Variants in CTPS2 observed in about 807,000 individuals in gnomAD.
CTPS2 encodes the protein CTP synthase 2, also known as CTP synthase II.
A neutral mutation model predicts 46.8 loss-of-function variants in CTPS2; 19 were observed. The ratio of observed to expected loss-of-function variants is 0.41; its 90% CI spans 0.28 to 0.60. The LOEUF (loss-of-function observed/expected upper bound fraction) is 0.60, where lower values mean the gene tolerates loss of function less well. Ranked by LOEUF, CTPS2 falls within the 20% of genes least tolerant of loss-of-function variation. CTPS2 has a pLI of 0.35. For synonymous variants in CTPS2, 151 were observed against 165.2 expected, an observed-to-expected ratio of 0.91 and a Z score of 0.66; for missense variants, 286 against 447.6, an observed-to-expected ratio of 0.64 and a Z score of 3.26.
chrX:16,631,322 T>C (rs1256117070), intron 14 of CTPS2, among the ~76,000 whole-genome samples: 1 of 105,491 alleles, frequency 9.5e-6, no homozygotes, highest in African/African-American at 3.5e-5. Context: ...CACTCCAGCC[T>C]GGGCGACAGA....
At chrX:16,660,799 G>A (rs1360423057) in intron 13 of CTPS2, among the ~76,000 whole-genome samples, 1 of 109,370 alleles carries the variant, frequency 9.1e-6, no homozygotes, top group African/African-American at 3.3e-5. Flanking sequence ...GTGAGCCACC[G>A]TGCCCAGGCA....
intron 2 of CTPS2, among the ~76,000 whole-genome samples, chrX:16,700,271 C>G (rs1924454348): frequency 9.2e-6 from 1 of 108,781 alleles, no homozygotes; most frequent in African/African-American, 3.3e-5. Context: ...TGTGCACCAC[C>G]ACACCCAGCT....
Position 16,693,178 on chromosome X carries a change from A to G in CTPS2, c.602T>C (p.Val201Ala), listed in dbSNP as rs141143406. The change falls in exon 6 of 19, where the codon GTC (valine) becomes GCC (alanine). Residue 201 changes from valine (V) to alanine (A), a missense_variant. Physicochemically the swap from Val to Ala is moderately conservative, Grantham distance 64. Transcript: ENST00000359276. ...CAGGCCTAAACCCCTCAGTGCGCGG[A>G]CGCTGTTTTGGGTGGGTTTGGTTTT... ...EQKTKPTQNS[V>A]RALRGLGLSP... 5 of 1,208,049 alleles carry G rather than the reference A, an allele frequency of 4.1e-6. No individual in the cohort carries two copies. The Admixed American group carries it at 6.6e-5, about 16-fold the overall frequency.
intron 9 of CTPS2, among the ~76,000 whole-genome samples, chrX:16,682,285 G>C (rs1324070145): frequency 8.9e-6 from 1 of 111,899 alleles, no homozygotes; most frequent in African/African-American, 3.2e-5. Flanking sequence ...AGGAGTTCGA[G>C]ACCAGCCTGG....
intron 14 of CTPS2, among the ~76,000 whole-genome samples, chrX:16,620,718 G>C (rs1930779462): frequency 8.9e-6 from 1 of 111,936 alleles, no homozygotes; most frequent in Non-Finnish European, 1.9e-5. Context: ...AAACAAAACT[G>C]GGGGCAGGGA....
intron 14 of CTPS2, among the ~76,000 whole-genome samples, chrX:16,622,158 A>C (rs1392953174): frequency 9.0e-6 from 1 of 110,962 alleles, no homozygotes. Context: ...TAATCCCAGC[A>C]CTTTGGGAAG....
chrX:16,610,322 A>G (rs1449463118), intron 16 of CTPS2, among the ~76,000 whole-genome samples: 1 of 111,224 alleles, frequency 9.0e-6, no homozygotes, highest in Non-Finnish European at 1.9e-5. Context: ...TAAGTTTAAG[A>G]GGGGGAAGTA....
At chrX:16,602,702 A>G (rs942922614) in intron 17 of CTPS2, among the ~76,000 whole-genome samples, 4 of 112,408 alleles carry the variant, frequency 3.6e-5, no homozygotes, top group Non-Finnish European at 5.6e-5. Context: ...CTGAAAACAT[A>G]TGAATATTCT....
intron 17 of CTPS2, among the ~76,000 whole-genome samples, chrX:16,594,196 G>A (rs989959228): frequency 1.8e-5 from 2 of 111,362 alleles, no homozygotes; most frequent in African/African-American, 6.5e-5. Flanking sequence ...GTCCCCTAAC[G>A]CAAGTGACAA....
chrX:16,639,833 A>AAAG (rs1931990190), intron 13 of CTPS2, among the ~76,000 whole-genome samples: 2 of 92,530 alleles, frequency 2.2e-5, no homozygotes, highest in Non-Finnish European at 4.6e-5. Context: ...AAGAAAGAAG[A>AAAG]AAAGAAAAGG....
At chrX:16,703,323 A>C (rs1159371371) in intron 1 of CTPS2, among the ~76,000 whole-genome samples, 2 of 105,872 alleles carry the variant, frequency 1.9e-5, no homozygotes, top group African/African-American at 6.9e-5. Context: ...CACCGCACCT[A>C]GCTCAGAATT....
chrX:16,629,568 C>T (rs1358624578), intron 14 of CTPS2, among the ~76,000 whole-genome samples: 2 of 110,594 alleles, frequency 1.8e-5, no homozygotes, highest in East Asian at 5.6e-4. Flanking sequence ...TTTTTTTCCC[C>T]TGCTCTAATG....
chrX:16,708,521 GAAAT>G (rs914127567), intron 1 of CTPS2, among the ~76,000 whole-genome samples: 1 of 110,256 alleles, frequency 9.1e-6, no homozygotes, highest in African/African-American at 3.3e-5. Flanking sequence ...GACTCCGTCT[GAAAT>G]AAATAAATAA....
rs1933024273 is a variant in CTPS2 at position 16,663,305 on chromosome X, C to T, written c.1296+4209G>A. Among the ~76,000 whole-genome samples the T allele has an allele frequency of 3.6e-5, 4 of 110,847 alleles. No individual in the cohort carries two copies. In the Admixed American group the frequency reaches 3.9e-4, roughly 11 times the overall value. On this transcript the variant is annotated intron_variant, in intron 13 of 18. Coordinates refer to ENST00000359276, the MANE Select transcript of CTPS2 (RefSeq NM_175859.3). ...GGACTATAGGTGCATGCCACCATGC[C>T]CAGGTAATTTTATTTATTTATTGTA... is the stretch of plus-strand genomic sequence containing the variant.
intron 16 of CTPS2, among the ~76,000 whole-genome samples, chrX:16,613,345 T>C (rs1173744193): frequency 9.0e-6 from 1 of 111,527 alleles, no homozygotes; most frequent in African/African-American, 3.3e-5. Context: ...TTAGGAGGTA[T>C]TGGAGAAGGG....
chrX:16,663,992 CG>C (rs1933067708), intron 13 of CTPS2, among the ~76,000 whole-genome samples: 1 of 110,427 alleles, frequency 9.1e-6, no homozygotes, highest in Non-Finnish European at 1.9e-5. Context: ...CGTGCCACCA[CG>C]CCCAGCTAAT....
At chrX:16,607,949 G>A (rs1036496371) in intron 17 of CTPS2, among the ~76,000 whole-genome samples, 2 of 113,077 alleles carry the variant, frequency 1.8e-5, no homozygotes, top group Non-Finnish European at 3.7e-5. Flanking sequence ...GGAGGCTCAC[G>A]CCTACAATCC....
chrX:16,709,848 CA>C (rs35017705), intron 1 of CTPS2, among the ~76,000 whole-genome samples: 191 of 23,697 alleles, frequency 8.1e-3, no homozygotes, highest in African/African-American at 0.03. Flanking sequence ...ACTCTGTCTC[CA>C]AAAAAAAAAA....
intron 13 of CTPS2, among the ~76,000 whole-genome samples, chrX:16,643,189 T>C (rs901091362): frequency 6.3e-5 from 7 of 111,074 alleles, no homozygotes; most frequent in African/African-American, 2.0e-4. Flanking sequence ...TCTACAGGAG[T>C]TAGGTTCTCT....
Sources: gnomAD v4.1 joint callset for allele counts (sites outside exome capture counted in the v4.1 genomes callset) on GRCh38, gnomAD v4.1.1 for gene constraint, MANE v1.5 for transcripts, NCBI Gene and HGNC (gene_info 2026-07-23, HGNC 2026-07-21) for gene names.